The following ITPRID1 variants were observed in gnomAD, a reference collection of about 807,000 sequenced individuals.
ITPRID1 encodes protein ITPRID1.
A neutral mutation model predicts 95.4 loss-of-function variants in ITPRID1; 96 were observed. The ratio of observed to expected loss-of-function variants is 1.01; its 90% confidence interval spans 0.85 to 1.19. ITPRID1 has a LOEUF of 1.19. Ranked by LOEUF, ITPRID1 falls within the 50% of genes most tolerant of loss-of-function variation. ITPRID1 has a pLI of 0.00. For missense variants in ITPRID1, 1,339 were observed against 1,252.9 expected (o/e 1.07, Z -1.04); for synonymous variants, 510 against 453.6 (o/e 1.12, Z -1.58).
At chr7:31,628,403 C>T (rs1303130791) in intron 10 of ITPRID1, among the ~76,000 whole-genome samples, 1 of 152,014 alleles carries the variant, frequency 6.6e-6, no homozygotes, top group African/African-American at 2.4e-5. Context: ...AATCCCACAT[C>T]TGTCCCCCAG....
At chr7:31,616,309 C>CAGGGTCT (rs970279473) in intron 10 of ITPRID1, among the ~76,000 whole-genome samples, 2 of 152,044 alleles carry the variant, frequency 1.3e-5, no homozygotes, top group African/African-American at 4.8e-5. Flanking sequence ...GTTATCCCTT[C>CAGGGTCT]AGGGTCTAGT....
At chr7:31,551,842 G>T in intron 2 of ITPRID1, 1 of 392,250 alleles carries the variant, frequency 2.5e-6, no homozygotes, top group South Asian at 1.8e-5. Flanking sequence ...TGCTACTGAA[G>T]TAAGTGTTTG....
At chr7:31,520,558 TGTGTGTGAGAGA>T (rs1404004165) in intron 1 of ITPRID1, among the ~76,000 whole-genome samples, 1,358 of 80,986 alleles carry the variant, frequency 0.017, 34 homozygotes, top group African/African-American at 0.055. Flanking sequence ...TGTGTGTGTG[TGTGTGTGAGAGA>T]GAGAGAGAGA....
chr7:31,573,137 C>T (rs752874198), intron 7 of ITPRID1, among the ~76,000 whole-genome samples: 9 of 152,128 alleles, frequency 5.9e-5, no homozygotes, highest in Non-Finnish European at 1.2e-4. Context: ...CTCCAGTTCA[C>T]GTTATAAGTT....
chr7:31,598,975 G>T (rs187996369), intron 10 of ITPRID1, among the ~76,000 whole-genome samples: 65 of 152,262 alleles, frequency 4.3e-4, no homozygotes, highest in African/African-American at 9.6e-4. Flanking sequence ...ATTATAAATT[G>T]GTACAACCAT....
intron 1 of ITPRID1, among the ~76,000 whole-genome samples, chr7:31,548,229 T>C (rs1304842684): frequency 6.6e-6 from 1 of 152,096 alleles, no homozygotes; most frequent in Non-Finnish European, 1.5e-5. Context: ...CTGAGTGGCC[T>C]GGTGTTGGCA....
intron 1 of ITPRID1, among the ~76,000 whole-genome samples, chr7:31,538,902 G>A (rs570654312): frequency 3.9e-5 from 6 of 152,258 alleles, no homozygotes; most frequent in East Asian, 1.9e-4. Context: ...CTTTCACCCC[G>A]TAAGTTTTGC....
intron 1 of ITPRID1, among the ~76,000 whole-genome samples, chr7:31,521,335 T>C (rs1286884854): frequency 6.6e-6 from 1 of 152,194 alleles, no homozygotes. Context: ...ACACATGTTA[T>C]TTAGTAGTGC....
At chr7:31,616,470 G>A (rs897318529) in intron 10 of ITPRID1, among the ~76,000 whole-genome samples, 7 of 152,104 alleles carry the variant, frequency 4.6e-5, no homozygotes, top group African/African-American at 1.7e-4. Flanking sequence ...TTAAAGTGAT[G>A]TATTAAGATG....
chr7:31,627,136 A>G (rs886536476), intron 10 of ITPRID1, among the ~76,000 whole-genome samples: 2 of 152,200 alleles, frequency 1.3e-5, no homozygotes, highest in African/African-American at 4.8e-5. Flanking sequence ...TGTCCACTGG[A>G]GAAGCTCCTC....
intron 10 of ITPRID1, among the ~76,000 whole-genome samples, chr7:31,617,529 G>A (rs181941062): frequency 6.6e-6 from 1 of 152,184 alleles, no homozygotes; most frequent in East Asian, 1.9e-4. Flanking sequence ...CATTGTGAGT[G>A]GAGATAAGAG....
intron 5 of ITPRID1, 57 bp from the exon 6 acceptor site, chr7:31,569,701 A>C: frequency 6.7e-7 from 1 of 1,490,314 alleles, no homozygotes; most frequent in African/African-American, 1.4e-5. Flanking sequence ...GGGTTGAGAA[A>C]ATCTTCCGCA....
At chr7:31,637,697 T>C (rs1789624668) in intron 10 of ITPRID1, among the ~76,000 whole-genome samples, 1 of 152,224 alleles carries the variant, frequency 6.6e-6, no homozygotes, top group South Asian at 2.1e-4. Flanking sequence ...GCTTGTTCAC[T>C]CTGATGGTAG....
chr7:31,568,552 G>A (rs1158539110), intron 5 of ITPRID1, among the ~76,000 whole-genome samples: 9 of 152,108 alleles, frequency 5.9e-5, no homozygotes, highest in African/African-American at 1.9e-4. Flanking sequence ...AAGAACACTG[G>A]TGAACCTTCT....
At chr7:31,597,505 CACA>C (rs747185932) in intron 10 of ITPRID1, among the ~76,000 whole-genome samples, 1 of 150,374 alleles carries the variant, frequency 6.7e-6, no homozygotes, top group Non-Finnish European at 1.5e-5. Context: ...AAAAAAACCC[CACA>C]ACAACAGATT....
chr7:31,548,683 G>T (rs922558831), intron 1 of ITPRID1, among the ~76,000 whole-genome samples: 1 of 152,244 alleles, frequency 6.6e-6, no homozygotes, highest in African/African-American at 2.4e-5. Context: ...TGATGTGATT[G>T]CTCCTGTGGT....
chr7:31,656,629 A>G, downstream of ITPRID1: 1 of 334,608 alleles, frequency 3.0e-6, no homozygotes, highest in Non-Finnish European at 4.3e-6. Flanking sequence ...CAATGAAGAG[A>G]ATGAACTGAC....
At chr7:31,657,238 G>A (rs1211156510), downstream of ITPRID1, among the ~76,000 whole-genome samples, 3 of 56,320 alleles carry the variant, frequency 5.3e-5, no homozygotes, top group East Asian at 1.6e-3. Flanking sequence ...AACCATTAAG[G>A]GATTGAGTTG....
At chr7:31,627,658 T>TGAAAA in intron 10 of ITPRID1, among the ~76,000 whole-genome samples, 1 of 7,378 alleles carries the variant, frequency 1.4e-4, no homozygotes, top group East Asian at 6.0e-3. Flanking sequence ...AGACACTGTC[T>TGAAAA]CAAAAAAAAA....
Sources: gnomAD v4.1 joint callset for allele counts (sites outside exome capture counted in the v4.1 genomes callset) on GRCh38, gnomAD v4.1.1 for gene constraint, MANE v1.5 for transcripts, NCBI Gene and HGNC (gene_info 2026-07-23, HGNC 2026-07-21) for gene names.